The following CAMK2D variants were observed in gnomAD, a reference collection of about 807,000 sequenced individuals.
CAMK2D encodes calcium/calmodulin-dependent protein kinase type II subunit delta.
CAMK2D carries 37 observed loss-of-function variants against 84.0 expected under a neutral mutation model. That is an observed-to-expected ratio of 0.44 (90% CI 0.34 to 0.58). The LOEUF (loss-of-function observed/expected upper bound fraction) is 0.58, where lower values mean the gene tolerates loss of function less well. CAMK2D is among the 20% of genes least tolerant of loss of function. The pLI is 0.02. For missense variants in CAMK2D, 448 were observed against 652.5 expected (o/e 0.69, Z 3.41); for synonymous variants, 202 against 212.5 (o/e 0.95, Z 0.43).
chr4:113,709,715 G>A (rs2154353663), intron 2 of CAMK2D, among the ~76,000 whole-genome samples: 1 of 121,378 alleles, frequency 8.2e-6, no homozygotes, highest in South Asian at 2.6e-4. Flanking sequence ...TTTCATATGT[G>A]GAGTAGAGTG....
chr4:113,561,164 T>G (rs2098696693), intron 4 of CAMK2D, among the ~76,000 whole-genome samples: 1 of 152,166 alleles, frequency 6.6e-6, no homozygotes, highest in African/African-American at 2.4e-5. Flanking sequence ...CCTCACAATA[T>G]TCAGGATATA....
chr4:113,517,365 T>G (rs1403347356), intron 9 of CAMK2D, among the ~76,000 whole-genome samples, 198 bp downstream of exon 9: 1 of 152,136 alleles, frequency 6.6e-6, no homozygotes, highest in African/African-American at 2.4e-5. Flanking sequence ...TCTTTCAATC[T>G]TAGGAGACAG....
At chr4:113,755,752 A>G (rs2099627144) in intron 2 of CAMK2D, among the ~76,000 whole-genome samples, 1 of 152,032 alleles carries the variant, frequency 6.6e-6, no homozygotes, top group African/African-American at 2.4e-5. Flanking sequence ...ACATGTATAA[A>G]TAAACAGAAT....
At chr4:113,644,709 A>C (rs1302773065) in intron 3 of CAMK2D, among the ~76,000 whole-genome samples, 1 of 152,222 alleles carries the variant, frequency 6.6e-6, no homozygotes, top group Non-Finnish European at 1.5e-5. Flanking sequence ...TATCTTCCAG[A>C]ATTAGAGAAA....
chr4:113,758,851 A>G (rs889016129), intron 2 of CAMK2D, among the ~76,000 whole-genome samples: 6 of 152,200 alleles, frequency 3.9e-5, no homozygotes, highest in South Asian at 2.1e-4. Flanking sequence ...TTTTCTTACC[A>G]AAGCTATTAC....
chr4:113,585,380 T>C (rs1329376504), intron 4 of CAMK2D, among the ~76,000 whole-genome samples: 1 of 152,174 alleles, frequency 6.6e-6, no homozygotes. Flanking sequence ...GCCTCATGTG[T>C]GTGCACGGAC....
intron 2 of CAMK2D, among the ~76,000 whole-genome samples, chr4:113,724,763 T>C (rs1012882970): frequency 6.6e-6 from 1 of 151,996 alleles, no homozygotes; most frequent in Admixed American, 6.6e-5. Context: ...TCATACAGCC[T>C]TAAGGTAACG....
At chr4:113,539,353 CA>C (rs1026648269) in intron 6 of CAMK2D, among the ~76,000 whole-genome samples, 3 of 152,056 alleles carry the variant, frequency 2.0e-5, no homozygotes, top group African/African-American at 7.2e-5. Flanking sequence ...CAGACTCATT[CA>C]AAAAAAGAGT....
chr4:113,470,013 C>T (rs985937938), intron 16 of CAMK2D, among the ~76,000 whole-genome samples: 2 of 152,102 alleles, frequency 1.3e-5, no homozygotes, highest in Non-Finnish European at 2.9e-5. Flanking sequence ...CCACCTCTCT[C>T]TCTCTCTTTC....
At chr4:113,549,004 T>C (rs1000898504) in intron 5 of CAMK2D, among the ~76,000 whole-genome samples, 13 of 152,186 alleles carry the variant, frequency 8.5e-5, no homozygotes, top group Admixed American at 6.5e-4. Context: ...TTAAATAATA[T>C]GTATAAGAAG....
chr4:113,734,993 G>A (rs1192986384), intron 2 of CAMK2D, among the ~76,000 whole-genome samples: 3 of 149,430 alleles, frequency 2.0e-5, no homozygotes. Context: ...CACCAAATGA[G>A]TAAAACAGAT....
At chr4:113,535,495 C>T (rs778626424) in intron 7 of CAMK2D, among the ~76,000 whole-genome samples, 23 of 152,028 alleles carry the variant, frequency 1.5e-4, no homozygotes, top group Non-Finnish European at 3.2e-4. Flanking sequence ...CAGTTATGTC[C>T]CTCTCTTCTA....
At chr4:113,509,411 AT>A (rs1275925055) in intron 13 of CAMK2D, among the ~76,000 whole-genome samples, 1 of 152,140 alleles carries the variant, frequency 6.6e-6, no homozygotes, top group Non-Finnish European at 1.5e-5. Flanking sequence ...TAACAACATT[AT>A]TTTTTCATGA....
At chr4:113,716,808 C>T (rs757393994) in intron 2 of CAMK2D, among the ~76,000 whole-genome samples, 79 of 152,180 alleles carry the variant, frequency 5.2e-4, no homozygotes, top group Non-Finnish European at 1.1e-3. Context: ...TGGTAATGAG[C>T]AGAATGTTTA....
intron 4 of CAMK2D, among the ~76,000 whole-genome samples, chr4:113,572,913 G>A (rs571709173): frequency 2.0e-5 from 3 of 152,146 alleles, no homozygotes; most frequent in Non-Finnish European, 2.9e-5. Context: ...GGGGCTGGAG[G>A]TTACCATCCT....
chr4:113,655,068 T>C (rs997037919), intron 3 of CAMK2D, among the ~76,000 whole-genome samples: 1 of 152,040 alleles, frequency 6.6e-6, no homozygotes, highest in East Asian at 1.9e-4. Context: ...TTACAAAATA[T>C]ATTAACTCCT....
chr4:113,735,126 C>T (rs60086423), intron 2 of CAMK2D, among the ~76,000 whole-genome samples: 1 of 151,148 alleles, frequency 6.6e-6, no homozygotes, highest in Non-Finnish European at 1.5e-5. Context: ...TAGAATAATA[C>T]ACAGGAAATA....
intron 4 of CAMK2D, among the ~76,000 whole-genome samples, chr4:113,579,342 C>T (rs907210160): frequency 2.6e-5 from 4 of 152,122 alleles, no homozygotes; most frequent in Admixed American, 6.6e-5. Context: ...GCATGTTTCC[C>T]CTTAGCATGT....
intron 8 of CAMK2D, among the ~76,000 whole-genome samples, chr4:113,521,276 G>A (rs914939453): frequency 2.0e-5 from 3 of 152,100 alleles, no homozygotes; most frequent in South Asian, 2.1e-4. Context: ...CTTACTTGAT[G>A]TATTTCAATC....
Sources: allele counts gnomAD v4.1 joint callset (sites outside exome capture counted in the v4.1 genomes callset), GRCh38; gene constraint gnomAD v4.1.1; transcripts MANE v1.5; gene names NCBI Gene and HGNC (gene_info 2026-07-23, HGNC 2026-07-21).